CCDC3: variants seen among roughly 807,000 people sequenced by gnomAD.
CCDC3 encodes coiled-coil domain containing 3.
Under a neutral mutation model 21.4 loss-of-function variants are expected in CCDC3, and 24 were observed. The observed-to-expected ratio is 1.12, with a 90% CI of 0.81 to 1.58. The LOEUF (loss-of-function observed/expected upper bound fraction) is 1.58. CCDC3 is among the 40% of genes most tolerant of loss of function. The pLI is 0.00. For missense variants in CCDC3, 425 were observed against 360.9 expected (o/e 1.18, Z -1.44); for synonymous variants, 186 against 166.0 (o/e 1.12, Z -0.93).
upstream of CCDC3, among the ~76,000 whole-genome samples, chr10:13,002,580 A>AT (rs1455467417): frequency 2.0e-5 from 3 of 151,972 alleles, no homozygotes; most frequent in African/African-American, 7.3e-5. Context: ...GAGACAGGCT[A>AT]TGTTGCTCAG....
At chr10:12,916,235 C>G (rs112381059) in intron 2 of CCDC3, among the ~76,000 whole-genome samples, 193 of 152,210 alleles carry the variant, frequency 1.3e-3, no homozygotes, top group Non-Finnish European at 2.0e-3. Context: ...CGATTGAGAC[C>G]AGCCTGGCCA....
At chr10:12,979,291 C>G (rs1423021666) in intron 2 of CCDC3, among the ~76,000 whole-genome samples, 1 of 152,140 alleles carries the variant, frequency 6.6e-6, no homozygotes, top group Non-Finnish European at 1.5e-5. Flanking sequence ...TGTAGATTTA[C>G]TGAGTGTTCA....
intron 2 of CCDC3, among the ~76,000 whole-genome samples, chr10:12,934,375 T>C (rs1373830990): frequency 6.6e-6 from 1 of 152,238 alleles, no homozygotes; most frequent in Non-Finnish European, 1.5e-5. Flanking sequence ...GAATGTGATC[T>C]ATCTTGGTAA....
At chr10:12,981,566 G>A (rs1287996899) in intron 2 of CCDC3, among the ~76,000 whole-genome samples, 7 of 152,040 alleles carry the variant, frequency 4.6e-5, no homozygotes, top group African/African-American at 7.3e-5. Context: ...AATAAACTTA[G>A]TTATACAAGA....
At chr10:12,963,047 T>C (rs1835204107) in intron 2 of CCDC3, among the ~76,000 whole-genome samples, 1 of 152,220 alleles carries the variant, frequency 6.6e-6, no homozygotes, top group Non-Finnish European at 1.5e-5. Context: ...TTTATTTGGT[T>C]AAGAGACCTT....
chr10:13,084,460 G>T lies in CCDC3; in HGVS notation c.-502-10360C>A, dbSNP rs528046302. Among the ~76,000 whole-genome samples the T allele has an allele frequency of 3.9e-5, 6 of 152,000 alleles. No homozygotes were observed. In the South Asian group the frequency reaches 1.2e-3, roughly 32 times the overall value. ...TGCACCACCACACCTGGCTAATTTTGTATTTTTAATAGAGACAGGGTTCTC... is the reference window on the plus strand; with the variant it reads ...TGCACCACCACACCTGGCTAATTTTTTATTTTTAATAGAGACAGGGTTCTC... On this transcript the variant is annotated intron_variant, in intron 3 of 6. Transcript: ENST00000378839.
intron 2 of CCDC3, among the ~76,000 whole-genome samples, chr10:12,976,996 G>A (rs1228289235): frequency 1.3e-5 from 2 of 152,330 alleles, no homozygotes; most frequent in South Asian, 2.1e-4. Context: ...CTGTCAGGCC[G>A]AGTGCAGTGG....
In CCDC3 at chr10:13,020,930, T is replaced by A. The variant is rs529935167; in HGVS notation, c.-1-22418A>T. Among the ~76,000 whole-genome samples, 4 of 152,326 alleles carry A rather than the reference T, an allele frequency of 2.6e-5. No individual in the cohort carries two copies. In the South Asian group the frequency reaches 8.3e-4, roughly 32 times the overall value. ...AAATATGAGCACTAGGTATCAGTAA[T>A]GACTGGTACTGAGCAAGCACTCAAA... is the stretch of plus-strand genomic sequence containing the variant. On this transcript the variant is annotated intron_variant, in intron 5 of 6. Transcript: ENST00000378839.
intron 2 of CCDC3, among the ~76,000 whole-genome samples, chr10:12,901,531 C>A (rs537493152): frequency 3.3e-5 from 5 of 152,132 alleles, no homozygotes; most frequent in Non-Finnish European, 5.9e-5. Flanking sequence ...CCTCGGCCTC[C>A]CAAAGTGCTG....
chr10:12,908,956 G>C (rs1834221490), intron 2 of CCDC3, among the ~76,000 whole-genome samples: 1 of 152,174 alleles, frequency 6.6e-6, no homozygotes, highest in Admixed American at 6.5e-5. Context: ...TCCAGGTGTA[G>C]TGGGAAGGAA....
At chr10:12,948,421 A>AT (rs1834953493) in intron 2 of CCDC3, among the ~76,000 whole-genome samples, 1 of 152,050 alleles carries the variant, frequency 6.6e-6, no homozygotes, top group East Asian at 1.9e-4. Flanking sequence ...GGCATGTGTG[A>AT]TATCATGGTG....
intron 2 of CCDC3, among the ~76,000 whole-genome samples, chr10:12,918,681 C>G (rs887478983): frequency 1.3e-5 from 2 of 152,168 alleles, no homozygotes; most frequent in Non-Finnish European, 2.9e-5. Context: ...TGCAGCCCAT[C>G]TACCCCATGT....
chr10:13,021,398 A>C (rs1354726635), intron 5 of CCDC3, among the ~76,000 whole-genome samples: 1 of 152,198 alleles, frequency 6.6e-6, no homozygotes. Context: ...TTTTAGTATC[A>C]GACTTTAGGC....
intron 2 of CCDC3, among the ~76,000 whole-genome samples, chr10:12,928,394 C>T (rs1418022676): frequency 6.6e-6 from 1 of 152,178 alleles, no homozygotes; most frequent in African/African-American, 2.4e-5. Context: ...CAGTAGTTTT[C>T]TGTTAAATTT....
chr10:13,060,832 A>G (rs1836748487), intron 4 of CCDC3, among the ~76,000 whole-genome samples: 2 of 152,186 alleles, frequency 1.3e-5, no homozygotes, highest in Admixed American at 6.5e-5. Context: ...AAAGGCTGAA[A>G]AAAAGGGGTT....
At chr10:12,924,989 T>A (rs74962360) in intron 2 of CCDC3, among the ~76,000 whole-genome samples, 2 of 152,180 alleles carry the variant, frequency 1.3e-5, no homozygotes, top group Non-Finnish European at 2.9e-5. Flanking sequence ...GCAGCCCGTG[T>A]GGACACCAAG....
At chr10:13,071,905 G>C (rs1320295240) in intron 4 of CCDC3, among the ~76,000 whole-genome samples, 1 of 151,806 alleles carries the variant, frequency 6.6e-6, no homozygotes, top group Non-Finnish European at 1.5e-5. Flanking sequence ...TGGTGTCTCT[G>C]TACTATGAGA....
chr10:13,046,333 G>A (rs185882532), intron 5 of CCDC3, among the ~76,000 whole-genome samples: 311 of 151,780 alleles, frequency 2.0e-3, no homozygotes, highest in Middle Eastern at 0.017. Flanking sequence ...TTGAGCCCAG[G>A]AGTATGAGGC....
chr10:13,090,421 G>T (rs1832549780), intron 3 of CCDC3, among the ~76,000 whole-genome samples: 1 of 152,082 alleles, frequency 6.6e-6, no homozygotes, highest in Non-Finnish European at 1.5e-5. Flanking sequence ...TGATTGATGG[G>T]CATTTGGGTT....
Sources: gnomAD v4.1 joint callset for allele counts (sites outside exome capture counted in the v4.1 genomes callset) on GRCh38, gnomAD v4.1.1 for gene constraint, MANE v1.5 for transcripts, NCBI Gene and HGNC (gene_info 2026-07-23, HGNC 2026-07-21) for gene names.